The following PCDHA1 variants were observed in gnomAD, a reference collection of about 807,000 sequenced individuals.
PCDHA1 encodes the protein protocadherin alpha-1.
Under a neutral mutation model 61.3 loss-of-function variants are expected in PCDHA1, and 42 were observed. The ratio of observed to expected loss-of-function variants is 0.69; its 90% confidence interval spans 0.54 to 0.89. The LOEUF (loss-of-function observed/expected upper bound fraction) is 0.89, where lower values mean the gene tolerates loss of function less well. Among genes scored for constraint, PCDHA1 ranks in the 40% least tolerant of loss-of-function variants. The pLI is 0.00. For synonymous variants in PCDHA1, 610 were observed against 553.8 expected (o/e 1.10, Z -1.43); for missense variants, 1,256 against 1,235.3 (o/e 1.02, Z -0.25).
intron 1 of PCDHA1, chr5:140,843,131 A>C: frequency 6.3e-7 from 1 of 1,596,044 alleles, no homozygotes; most frequent in South Asian, 1.1e-5. Flanking sequence ...CTCGGGCTAC[A>C]ACGCGTGGCT....
chr5:140,842,048 G>C lies in PCDHA1; in HGVS notation c.2394+53364G>C, dbSNP rs2150328015. ...TGTGAATGATAATGCTCCCACTTTC[G>C]AACAGTCTGAATACGAAGTAAGAAT... On this transcript the variant is annotated intron_variant, in intron 1 of 3. Coordinates refer to ENST00000504120, the MANE Select transcript of PCDHA1 (RefSeq NM_018900.4). The C allele has an allele frequency of 2.4e-5, 39 of 1,613,798 alleles. 2 individuals carry two copies. The East Asian group carries it at 8.2e-4, about 34-fold the overall frequency.
intron 1 of PCDHA1, chr5:140,822,382 G>A (rs2150115866): frequency 6.2e-7 from 1 of 1,614,100 alleles, no homozygotes; most frequent in South Asian, 1.1e-5. Flanking sequence ...AGATAGAGAA[G>A]AAACACAAGA....
chr5:140,888,355 T>C (rs1192266455), intron 1 of PCDHA1, among the ~76,000 whole-genome samples: 1 of 152,214 alleles, frequency 6.6e-6, no homozygotes, highest in Non-Finnish European at 1.5e-5. Context: ...GAATTGCTAC[T>C]GGCATCTAAT....
At chr5:140,821,973 G>A (rs2150112441) in intron 1 of PCDHA1, 2 of 1,614,176 alleles carry the variant, frequency 1.2e-6, no homozygotes, top group Non-Finnish European at 1.7e-6. Context: ...TCCGGGTGGC[G>A]TCCAAGGGCC....
rs1249869440 is a variant in PCDHA1, at chr5:140,805,568, T to C, written c.2394+16884T>C. The C allele has an allele frequency of 3.1e-6, 3 of 964,158 alleles. No individual in the cohort carries two copies. In the African/African-American group the frequency reaches 5.3e-5, roughly 17 times the overall value. The allele number at this position is 964,158 out of a possible 1,614,324, so 59.7% of individuals were successfully genotyped here. A position where few individuals can be genotyped will look rare whatever the true frequency, so the allele number is the denominator to read the frequency against. On this transcript the variant is annotated intron_variant, in intron 1 of 3. Transcript: ENST00000504120. Reference sequence around the variant, plus strand: ...TATGGATATAGGAGGCAAGGAAAGTTTTTAAATGGCTACCATTATGTCTTT... The same window carrying C: ...TATGGATATAGGAGGCAAGGAAAGTCTTTAAATGGCTACCATTATGTCTTT...
chr5:140,828,562 G>T, intron 1 of PCDHA1: 2 of 1,614,232 alleles, frequency 1.2e-6, no homozygotes. Flanking sequence ...TGGAGGGCGC[G>T]TCCGATGCAG....
intron 1 of PCDHA1, among the ~76,000 whole-genome samples, chr5:140,977,970 A>G (rs531494024): frequency 2.0e-5 from 3 of 152,332 alleles, no homozygotes; most frequent in South Asian, 4.1e-4. Context: ...ATCTCCGCCC[A>G]TGAAAACGCA....
intron 1 of PCDHA1, chr5:140,850,222 C>T (rs1554144012): frequency 6.3e-7 from 1 of 1,593,746 alleles, no homozygotes; most frequent in East Asian, 2.2e-5. Flanking sequence ...ACTGACGGCG[C>T]AGTGAGCGAG....
chr5:140,876,855 A>C (rs371246236), intron 1 of PCDHA1: 7 of 1,613,934 alleles, frequency 4.3e-6, no homozygotes, highest in East Asian at 2.2e-5. Flanking sequence ...CCGAGTACAC[A>C]GTGTTCGTGA....
chr5:140,920,039 G>A (rs185914290), intron 1 of PCDHA1, among the ~76,000 whole-genome samples: 1 of 152,280 alleles, frequency 6.6e-6, no homozygotes, highest in Non-Finnish European at 1.5e-5. Flanking sequence ...TTGGAGTGAT[G>A]TCAACAGCCA....
At chr5:140,791,521 A>G (rs1356661098) in intron 1 of PCDHA1, among the ~76,000 whole-genome samples, 1 of 152,208 alleles carries the variant, frequency 6.6e-6, no homozygotes, top group Non-Finnish European at 1.5e-5. Context: ...TCACAACAGC[A>G]TATGTATTGA....
At chr5:141,001,953 G>C (rs55743067) in intron 3 of PCDHA1, among the ~76,000 whole-genome samples, 27 of 152,290 alleles carry the variant, frequency 1.8e-4, no homozygotes, top group Non-Finnish European at 3.5e-4. Context: ...AAGGAGGAGG[G>C]AGAGGCGGGG....
At chr5:140,836,524 C>G (rs2150262831) in intron 1 of PCDHA1, 1 of 1,613,834 alleles carries the variant, frequency 6.2e-7, no homozygotes, top group South Asian at 1.1e-5. Flanking sequence ...TTGGTGCTTA[C>G]CCTGCTGCTG....
At chr5:140,966,233 C>T (rs1554228161) in intron 1 of PCDHA1, 1 of 287,374 alleles carries the variant, frequency 3.5e-6, no homozygotes, top group Non-Finnish European at 6.4e-6. Flanking sequence ...CCTTAAAGAC[C>T]CGTTAAGCAG....
At chr5:140,803,206 T>G (rs782739618) in intron 1 of PCDHA1, 2 of 1,613,842 alleles carry the variant, frequency 1.2e-6, no homozygotes, top group South Asian at 2.2e-5. Flanking sequence ...GTGTCGCTGG[T>G]GGAGAGTGGC....
rs199990641 is a variant in PCDHA1, at chr5:140,966,961, G to C, written c.2395-11988G>C. On this transcript the variant is annotated intron_variant, in intron 1 of 3. Coordinates refer to ENST00000504120, the MANE Select transcript of PCDHA1 (RefSeq NM_018900.4). ...TCGTGGGCAACGTGGCTCGCGCGCT[G>C]GGGCTTGAGCTGCGGCGCTTGGGGC... The C allele has an allele frequency of 8.7e-6, 14 of 1,603,190 alleles. No individual in the cohort carries two copies. The East Asian group carries it at 2.7e-4, about 31-fold the overall frequency.
chr5:140,868,933 T>C, intron 1 of PCDHA1: 1 of 1,104,696 alleles, frequency 9.1e-7, no homozygotes, highest in Non-Finnish European at 1.3e-6. Flanking sequence ...ATTTAAAGGT[T>C]GGTCTGAACA....
At chr5:140,796,115 A>G in intron 1 of PCDHA1, 2 of 1,614,192 alleles carry the variant, frequency 1.2e-6, no homozygotes, top group Admixed American at 1.7e-5. Flanking sequence ...ACGAATGGAC[A>G]TGTCACCTGC....
rs368766260 is a variant in PCDHA1, at chr5:140,802,313, C to T, written c.2394+13629C>T. The T allele has an allele frequency of 2.0e-5, 32 of 1,614,264 alleles. No individual in the cohort carries two copies. The African/African-American group carries it at 3.5e-4, about 17-fold the overall frequency. ...CACTTAGCACAGTCATCGCTCTGAT[C>T]AGCGTGTCCGACCGCGACTCAGGAG... is the stretch of plus-strand genomic sequence containing the variant. On this transcript the variant is annotated intron_variant, in intron 1 of 3. Coordinates refer to ENST00000504120, the MANE Select transcript of PCDHA1 (RefSeq NM_018900.4).
Sources: gnomAD v4.1 joint callset for allele counts (sites outside exome capture counted in the v4.1 genomes callset) on GRCh38, gnomAD v4.1.1 for gene constraint, MANE v1.5 for transcripts, NCBI Gene and HGNC (gene_info 2026-07-23, HGNC 2026-07-21) for gene names.